ADCY2: variants seen among roughly 807,000 people sequenced by gnomAD.
The protein encoded by ADCY2 is adenylate cyclase type 2.
In ADCY2, 31 loss-of-function variants were observed where a neutral mutation model predicts 125.2. That is an observed-to-expected ratio of 0.25 (90% CI 0.19 to 0.33). The LOEUF (loss-of-function observed/expected upper bound fraction) is 0.33. Ranked by LOEUF, ADCY2 falls within the 10% of genes least tolerant of loss-of-function variation. The pLI is 1.00. For synonymous variants in ADCY2, 512 were observed against 548.4 expected, an observed-to-expected ratio of 0.93 and a Z score of 0.93; for missense variants, 904 against 1,418.2, an observed-to-expected ratio of 0.64 and a Z score of 5.82.
intron 3 of ADCY2, among the ~76,000 whole-genome samples, chr5:7,586,000 GCTGA>G (rs1736613502): frequency 2.0e-5 from 3 of 152,156 alleles, no homozygotes; most frequent in Non-Finnish European, 4.4e-5. Flanking sequence ...CATATTTTAT[GCTGA>G]CTATCACAAT....
intron 16 of ADCY2, among the ~76,000 whole-genome samples, chr5:7,766,170 A>G (rs1482515252): frequency 3.9e-5 from 6 of 152,244 alleles, no homozygotes; most frequent in Admixed American, 2.0e-4. Flanking sequence ...GTTGCCAGGC[A>G]CTCACAAATA....
chr5:7,783,443 C>T (rs1032194155), intron 18 of ADCY2, among the ~76,000 whole-genome samples: 3 of 151,952 alleles, frequency 2.0e-5, no homozygotes, highest in Non-Finnish European at 4.4e-5. Context: ...AACCCAGGCT[C>T]TCTTGCTTTA....
At position 7,707,847 on chromosome 5, in the gene ADCY2, C is replaced by T; in HGVS notation, c.1401+9C>T. On this transcript the variant is annotated intron_variant, in intron 9 of 24. Coordinates refer to ENST00000338316, the MANE Select transcript of ADCY2 (RefSeq NM_020546.3). ...TTGTGATCAACCCCAAGGTCAGTAT[C>T]ATTGTAAAGAGTCTATGATGAAAAG... The T allele has an allele frequency of 6.2e-7, 1 of 1,613,076 alleles. No homozygotes were observed. The highest frequency in any genetic ancestry group is 8.5e-7 in the Non-Finnish European group (1 of 1,179,648).
At chr5:7,465,507 G>T (rs1742082205) in intron 2 of ADCY2, among the ~76,000 whole-genome samples, 1 of 152,222 alleles carries the variant, frequency 6.6e-6, no homozygotes, top group South Asian at 2.1e-4. Flanking sequence ...TTCACGGCGT[G>T]TGCACAGGTG....
intron 3 of ADCY2, among the ~76,000 whole-genome samples, chr5:7,593,852 G>A (rs1736923982): frequency 6.6e-6 from 1 of 152,126 alleles, no homozygotes; most frequent in African/African-American, 2.4e-5. Context: ...AAGAAGAAAA[G>A]TAAAGCAGGA....
At chr5:7,712,030 C>A (rs925291341) in intron 10 of ADCY2, among the ~76,000 whole-genome samples, 1 of 152,124 alleles carries the variant, frequency 6.6e-6, no homozygotes, top group Non-Finnish European at 1.5e-5. Flanking sequence ...ACTCTTGATT[C>A]AACATTGATA....
chr5:7,442,672 T>C (rs1741059001), intron 2 of ADCY2, among the ~76,000 whole-genome samples: 1 of 152,212 alleles, frequency 6.6e-6, no homozygotes, highest in East Asian at 1.9e-4. Flanking sequence ...TTTCATTTGT[T>C]TCTCTACTTT....
At chr5:7,655,697 C>T (rs72710481) in intron 4 of ADCY2, among the ~76,000 whole-genome samples, 64,763 of 152,042 alleles carry the variant, frequency 0.43, 14,502 homozygotes, top group Non-Finnish European at 0.49. Flanking sequence ...CTGGGCATGC[C>T]GTGGCCCAGT....
intron 3 of ADCY2, among the ~76,000 whole-genome samples, chr5:7,536,706 C>T (rs1734824299): frequency 6.6e-6 from 1 of 151,962 alleles, no homozygotes; most frequent in African/African-American, 2.4e-5. Context: ...CAGTGTTTTT[C>T]ATTCTCAGCG....
At chr5:7,572,198 T>C (rs1331415808) in intron 3 of ADCY2, among the ~76,000 whole-genome samples, 2 of 152,148 alleles carry the variant, frequency 1.3e-5, no homozygotes, top group Non-Finnish European at 2.9e-5. Context: ...TATCTTCAGG[T>C]ATTTGTGGAA....
At chr5:7,707,383 A>G (rs940470890) in intron 8 of ADCY2, among the ~76,000 whole-genome samples, 1 of 152,228 alleles carries the variant, frequency 6.6e-6, no homozygotes, top group Non-Finnish European at 1.5e-5. Context: ...TATTATACAG[A>G]TTAGCATACT....
chr5:7,649,209 G>C (rs1262741240), intron 4 of ADCY2, among the ~76,000 whole-genome samples: 1 of 152,170 alleles, frequency 6.6e-6, no homozygotes, highest in Non-Finnish European at 1.5e-5. Context: ...GTGTTGATGT[G>C]AATTGGAACA....
At chr5:7,540,555 T>C (rs148557184) in intron 3 of ADCY2, among the ~76,000 whole-genome samples, 2 of 152,330 alleles carry the variant, frequency 1.3e-5, no homozygotes, top group African/African-American at 4.8e-5. Flanking sequence ...TTTTCGACAC[T>C]GTTGAAGTGT....
At chr5:7,405,414 G>T (rs1739442940) in intron 1 of ADCY2, among the ~76,000 whole-genome samples, 1 of 151,720 alleles carries the variant, frequency 6.6e-6, no homozygotes, top group African/African-American at 2.4e-5. Context: ...TGCTCTACTG[G>T]CAGGTTAGTT....
At chr5:7,664,337 T>C (rs1166937347) in intron 4 of ADCY2, among the ~76,000 whole-genome samples, 3 of 152,228 alleles carry the variant, frequency 2.0e-5, no homozygotes, top group Non-Finnish European at 4.4e-5. Context: ...TATTCGTTTT[T>C]ACAATAAGAC....
rs543665230 is a variant in ADCY2 at position 7,572,281 on chromosome 5, G to GT, written c.570+51385dup. On this transcript the variant is annotated intron_variant, in intron 3 of 24. Coordinates refer to ENST00000338316, the MANE Select transcript of ADCY2 (RefSeq NM_020546.3). ...ACACTCCCGTCAACAGTGTATAAATGTTTCTTTTTCTCCACAAACTTGCCA... is the reference window on the plus strand; with the variant it reads ...ACACTCCCGTCAACAGTGTATAAATGTTTTCTTTTTCTCCACAAACTTGCCA... Among the ~76,000 whole-genome samples, 371 of 152,178 alleles carry GT rather than the reference G, an allele frequency of 2.4e-3. 2 individuals are homozygous for GT. The highest frequency in any genetic ancestry group is 8.5e-3 in the African/African-American group (353 of 41,532).
intron 4 of ADCY2, among the ~76,000 whole-genome samples, chr5:7,626,748 T>C (rs889484827): frequency 6.6e-6 from 1 of 152,186 alleles, no homozygotes; most frequent in African/African-American, 2.4e-5. Context: ...TCAAACTCCC[T>C]TCCCAGGGAG....
At chr5:7,533,108 CACATATAT>C in intron 3 of ADCY2, among the ~76,000 whole-genome samples, 1 of 149,064 alleles carries the variant, frequency 6.7e-6, no homozygotes, top group Non-Finnish European at 1.5e-5. Context: ...TGTATATATA[CACATATAT>C]ACATATATGC....
chr5:7,668,693 G>C (rs751362513), intron 4 of ADCY2, among the ~76,000 whole-genome samples: 1 of 152,318 alleles, frequency 6.6e-6, no homozygotes, highest in Middle Eastern at 3.4e-3. Context: ...AGAGAAAAGA[G>C]TATGGCATTA....
Sources: gnomAD v4.1 joint callset for allele counts (sites outside exome capture counted in the v4.1 genomes callset) on GRCh38, gnomAD v4.1.1 for gene constraint, MANE v1.5 for transcripts, NCBI Gene and HGNC (gene_info 2026-07-23, HGNC 2026-07-21) for gene names.